The following GTF2F2 variants were observed in gnomAD, a reference collection of about 807,000 sequenced individuals.
GTF2F2 encodes ATP-dependent helicase GTF2F2.
In GTF2F2, 23 loss-of-function variants were observed where a neutral mutation model predicts 42.2. That is an observed-to-expected ratio of 0.55 (90% confidence interval 0.39 to 0.77). The LOEUF is 0.77. Among genes scored for constraint, GTF2F2 ranks in the 30% least tolerant of loss-of-function variants. The pLI is 0.00. For synonymous variants in GTF2F2, 105 were observed against 100.8 expected (o/e 1.04, Z -0.25); for missense variants, 261 against 287.2 (o/e 0.91, Z 0.66).
intron 7 of GTF2F2, among the ~76,000 whole-genome samples, chr13:45,267,924 T>C (rs1408347095): frequency 6.6e-6 from 1 of 151,966 alleles, no homozygotes; most frequent in Non-Finnish European, 1.5e-5. Context: ...CTGTTCCCCA[T>C]TTTTAAGGAC....
chr13:45,136,385 A>G (rs1376668918), intron 1 of GTF2F2, among the ~76,000 whole-genome samples: 5 of 152,236 alleles, frequency 3.3e-5, no homozygotes, highest in Non-Finnish European at 7.3e-5. Context: ...GTTTCTAAAT[A>G]ATGCTGTTAC....
chr13:45,194,321 C>G, intron 4 of GTF2F2: 1 of 1,614,124 alleles, frequency 6.2e-7, no homozygotes, highest in Non-Finnish European at 8.5e-7. Flanking sequence ...AAGAGGAGAC[C>G]ATCCCTGTCT....
intron 4 of GTF2F2, among the ~76,000 whole-genome samples, chr13:45,179,446 T>C (rs1872041579): frequency 6.6e-6 from 1 of 152,216 alleles, no homozygotes; most frequent in African/African-American, 2.4e-5. Context: ...AGACTGTCTG[T>C]GGCAAACTAG....
Position 45,146,547 on chromosome 13 carries a change from T to C in GTF2F2, c.141-3223T>C, listed in dbSNP as rs140200859. 1.8e-3 allele frequency among the ~76,000 whole-genome samples: 273 copies of C among 152,236 alleles called. 3 individuals are homozygous for C. The highest frequency in any genetic ancestry group is 6.3e-3 in the African/African-American group (260 of 41,544). On this transcript the variant is annotated intron_variant, in intron 2 of 7. Transcript: ENST00000340473. ...ACAAGAGCCAACAGTTGAATAATGATATTGTTTTATTAACCTGGAAAAGGT... is the reference window on the plus strand; with the variant it reads ...ACAAGAGCCAACAGTTGAATAATGACATTGTTTTATTAACCTGGAAAAGGT...
chr13:45,174,833 C>T (rs1233904942), intron 4 of GTF2F2, among the ~76,000 whole-genome samples: 1 of 151,900 alleles, frequency 6.6e-6, no homozygotes, highest in East Asian at 1.9e-4. Context: ...TTTTCTTTAA[C>T]ACTCAATAAT....
chr13:45,136,933 G>T, intron 2 of GTF2F2, 127 bp downstream of exon 2: 1 of 633,018 alleles, frequency 1.6e-6, no homozygotes. Context: ...AGCATGTCAA[G>T]GCTTGTCAGG....
chr13:45,270,806 A>G (rs966721239), intron 7 of GTF2F2, among the ~76,000 whole-genome samples: 5 of 152,126 alleles, frequency 3.3e-5, no homozygotes, highest in African/African-American at 1.2e-4. Flanking sequence ...TTCATATTTT[A>G]TCTGTCAAAT....
chr13:45,193,970 T>G, intron 4 of GTF2F2: 1 of 1,614,082 alleles, frequency 6.2e-7, no homozygotes, highest in Non-Finnish European at 8.5e-7. Flanking sequence ...TCAGACTTTA[T>G]GAAGTATTTA....
At chr13:45,179,935 GTTTCT>G (rs1872065860) in intron 4 of GTF2F2, among the ~76,000 whole-genome samples, 1 of 152,116 alleles carries the variant, frequency 6.6e-6, no homozygotes, top group Non-Finnish European at 1.5e-5. Context: ...GTTCCCAAGA[GTTTCT>G]TTTAAGTTGG....
In GTF2F2 at chr13:45,231,248, C is replaced by T. The variant is rs113302130; in HGVS notation, c.387-21623C>T. On this transcript the variant is annotated intron_variant, in intron 5 of 7. Transcript: ENST00000340473. ...TCAGCCTCCCGAGTAGCTGGGACTA[C>T]AGGCGTATGCTACCACGCCCAGCTA... 4.4e-3 allele frequency among the ~76,000 whole-genome samples: 672 copies of T among 152,234 alleles called. 3 individuals are homozygous for T. The highest frequency in any genetic ancestry group is 7.4e-3 in the Non-Finnish European group (502 of 67,988).
chr13:45,132,213 TG>T (rs1281946267), intron 1 of GTF2F2, among the ~76,000 whole-genome samples: 1 of 152,212 alleles, frequency 6.6e-6, no homozygotes, highest in Non-Finnish European at 1.5e-5. Flanking sequence ...ACAGTTTCTG[TG>T]GGCTGGGACT....
chr13:45,282,693 C>T (rs555263235), intron 7 of GTF2F2, among the ~76,000 whole-genome samples: 37 of 152,034 alleles, frequency 2.4e-4, no homozygotes, highest in Non-Finnish European at 4.3e-4. Flanking sequence ...TTAGTAGAGA[C>T]GGGGTTTCAC....
At chr13:45,229,476 T>C (rs1593504396) in intron 5 of GTF2F2, among the ~76,000 whole-genome samples, 1 of 152,240 alleles carries the variant, frequency 6.6e-6, no homozygotes, top group African/African-American at 2.4e-5. Context: ...CTTTAAGCTG[T>C]TGGGAGATGG....
At chr13:45,147,844 C>G (rs962635783) in intron 2 of GTF2F2, among the ~76,000 whole-genome samples, 1 of 152,166 alleles carries the variant, frequency 6.6e-6, no homozygotes, top group African/African-American at 2.4e-5. Flanking sequence ...TGGAAATCCC[C>G]CATGTTTTCG....
chr13:45,167,054 G>A (rs1457826150), intron 4 of GTF2F2, among the ~76,000 whole-genome samples: 1 of 151,018 alleles, frequency 6.6e-6, no homozygotes. Flanking sequence ...AGCACACTTT[G>A]AAAGACTGCT....
At chr13:45,247,277 T>A (rs999118585) in intron 5 of GTF2F2, among the ~76,000 whole-genome samples, 5 of 146,626 alleles carry the variant, frequency 3.4e-5, no homozygotes, top group Non-Finnish European at 7.5e-5. Context: ...AAGCAGAGGT[T>A]GCAGTGAGCT....
chr13:45,268,915 T>A (rs115724166), intron 7 of GTF2F2, among the ~76,000 whole-genome samples: 1,636 of 152,272 alleles, frequency 0.011, 35 homozygotes, highest in African/African-American at 0.038. Flanking sequence ...TCTTAAGATA[T>A]TTTTTATATG....
intron 4 of GTF2F2, among the ~76,000 whole-genome samples, chr13:45,191,945 A>G (rs1264589605): frequency 6.6e-6 from 1 of 152,138 alleles, no homozygotes; most frequent in African/African-American, 2.4e-5. Flanking sequence ...TATCTCCTGT[A>G]AAAAGATATG....
intron 7 of GTF2F2, among the ~76,000 whole-genome samples, chr13:45,267,736 G>T (rs775542430): frequency 6.6e-6 from 1 of 150,658 alleles, no homozygotes; most frequent in Non-Finnish European, 1.5e-5. Context: ...TAGAAAAATC[G>T]CATTCTTTAA....
Sources: allele counts gnomAD v4.1 joint callset (sites outside exome capture counted in the v4.1 genomes callset), GRCh38; gene constraint gnomAD v4.1.1; transcripts MANE v1.5; gene names NCBI Gene and HGNC (gene_info 2026-07-23, HGNC 2026-07-21).